The following GXYLT2 variants were observed in gnomAD, a reference collection of about 807,000 sequenced individuals.
GXYLT2 encodes glucoside xylosyltransferase 2.
Under a neutral mutation model 45.8 loss-of-function variants are expected in GXYLT2, and 53 were observed. The ratio of observed to expected loss-of-function variants is 1.16; its 90% CI spans 0.93 to 1.46. The LOEUF (loss-of-function observed/expected upper bound fraction) is 1.46, where lower values mean the gene tolerates loss of function less well. GXYLT2 is among the 40% of genes most tolerant of loss of function. The pLI is 0.00. For synonymous variants in GXYLT2, 219 were observed against 214.2 expected, an observed-to-expected ratio of 1.02 and a Z score of -0.19; for missense variants, 551 against 544.4, an observed-to-expected ratio of 1.01 and a Z score of -0.12.
intron 1 of GXYLT2, among the ~76,000 whole-genome samples, chr3:72,907,194 T>G (rs1709528014): frequency 6.6e-6 from 1 of 152,216 alleles, no homozygotes. Flanking sequence ...GGAATCCAAG[T>G]AACTCTCCGC....
At chr3:72,905,064 C>CAAAAAAA (rs1177216917) in intron 1 of GXYLT2, among the ~76,000 whole-genome samples, 1 of 36,244 alleles carries the variant, frequency 2.8e-5, no homozygotes, top group African/African-American at 7.0e-5. Flanking sequence ...GATTCTGTCT[C>CAAAAAAA]AAAAAAAAAA....
Position 72,922,222 on chromosome 3 carries a change from T to A in GXYLT2, c.487T>A (p.Ser163Thr). ...FDKQLRQWPD[S>T]YTKKFEHRIY... The stretch of plus-strand genomic sequence containing the variant: ...TTTTCAGTTACGCCAGTGGCCTGAC[T>A]CATATACAAAGAAGTTTGAGCACAG... The change falls in exon 3 of 7, where the codon TCA becomes ACA. Residue 163 changes from serine to threonine, a missense_variant. Coordinates refer to ENST00000389617, the MANE Select transcript of GXYLT2 (RefSeq NM_001080393.2). The A allele has an allele frequency of 1.2e-6, 2 of 1,613,626 alleles. No homozygotes were observed. The highest frequency in any genetic ancestry group is 2.2e-5 in the South Asian group (2 of 91,040).
At chr3:72,949,554 C>T (rs1710477117) in intron 3 of GXYLT2, among the ~76,000 whole-genome samples, 1 of 118,510 alleles carries the variant, frequency 8.4e-6, no homozygotes, top group Admixed American at 1.2e-4. Context: ...GCTCCATCAC[C>T]AGGCTGGAGT....
intron 3 of GXYLT2, among the ~76,000 whole-genome samples, 167 bp downstream of exon 3, chr3:72,922,502 G>C (rs1709849093): frequency 6.6e-6 from 1 of 152,176 alleles, no homozygotes; most frequent in East Asian, 1.9e-4. Context: ...CCTGTGTTCT[G>C]GAGGTTGTCA....
At chr3:72,921,021 A>G (rs1709824655) in intron 2 of GXYLT2, among the ~76,000 whole-genome samples, 1 of 151,686 alleles carries the variant, frequency 6.6e-6, no homozygotes, top group South Asian at 2.1e-4. Context: ...GGGTTTCGCC[A>G]TGTTGGCCAG....
chr3:72,927,465 C>T (rs1709940647), intron 3 of GXYLT2, among the ~76,000 whole-genome samples: 1 of 152,086 alleles, frequency 6.6e-6, no homozygotes, highest in African/African-American at 2.4e-5. Context: ...TGCATGCTTA[C>T]CAATGATGTC....
At chr3:72,900,806 ATGTAT>A (rs1709388603) in intron 1 of GXYLT2, among the ~76,000 whole-genome samples, 1 of 143,774 alleles carries the variant, frequency 7.0e-6, no homozygotes, top group South Asian at 2.1e-4. Flanking sequence ...AAGTGCATTA[ATGTAT>A]TTATTTATTT....
chr3:72,947,039 A>G (rs1430987381), intron 3 of GXYLT2, among the ~76,000 whole-genome samples: 8 of 151,860 alleles, frequency 5.3e-5, no homozygotes, highest in Admixed American at 5.3e-4. Flanking sequence ...TATTGAAGAG[A>G]TGAGGCCTTA....
intron 3 of GXYLT2, among the ~76,000 whole-genome samples, chr3:72,944,087 C>CTT (rs72046930): frequency 2.7e-5 from 4 of 149,742 alleles, no homozygotes; most frequent in South Asian, 2.1e-4. Flanking sequence ...ATATTCAAGT[C>CTT]TTTTTGTTTG....
intron 3 of GXYLT2, among the ~76,000 whole-genome samples, chr3:72,943,992 C>G (rs1004123384): frequency 1.3e-5 from 2 of 151,940 alleles, no homozygotes; most frequent in African/African-American, 4.8e-5. Context: ...CTGGGAGCAT[C>G]ATTTCTTTAG....
intron 5 of GXYLT2, among the ~76,000 whole-genome samples, chr3:72,959,271 C>T (rs1452279222): frequency 6.6e-6 from 1 of 151,298 alleles, no homozygotes; most frequent in Non-Finnish European, 1.5e-5. Context: ...GCACCCAACA[C>T]CACACCCAAC....
intron 1 of GXYLT2, among the ~76,000 whole-genome samples, chr3:72,895,782 T>C (rs920354044): frequency 1.3e-5 from 2 of 152,346 alleles, no homozygotes; most frequent in East Asian, 3.9e-4. Context: ...TTTTTTGACA[T>C]GATACCTTCA....
chr3:72,965,510 A>G lies in GXYLT2; in HGVS notation c.977-2037A>G, dbSNP rs911037372. Reference sequence around the variant, plus strand: ...ACATTTGCAGAGAGCTTTGATCCATACTCCTCTGCCCCCAACCCTGAAAAG... The same window carrying G: ...ACATTTGCAGAGAGCTTTGATCCATGCTCCTCTGCCCCCAACCCTGAAAAG... On this transcript the variant is annotated intron_variant, in intron 5 of 6. Coordinates refer to ENST00000389617, the MANE Select transcript of GXYLT2 (RefSeq NM_001080393.2). Among the ~76,000 whole-genome samples the G allele has an allele frequency of 2.6e-5, 4 of 151,860 alleles. No individual in the cohort carries two copies. In the South Asian group the frequency reaches 6.2e-4, roughly 24 times the overall value.
intron 1 of GXYLT2, among the ~76,000 whole-genome samples, chr3:72,889,896 G>GTTTTTTTTTTTTTTTTTTTTTT (rs369830925): frequency 1.5e-5 from 2 of 135,534 alleles, no homozygotes; most frequent in Admixed American, 7.4e-5. Context: ...TTTTCTTTTG[G>GTTTTTTTTTTTTTTTTTTTTTT]TTTTTTTTTT....
chr3:72,898,561 A>G (rs1709339327), intron 1 of GXYLT2, among the ~76,000 whole-genome samples: 1 of 152,122 alleles, frequency 6.6e-6, no homozygotes. Flanking sequence ...AATGTGAATA[A>G]CCTCTGCGAA....
chr3:72,952,940 A>C (rs1677692898), intron 3 of GXYLT2, among the ~76,000 whole-genome samples: 1 of 152,138 alleles, frequency 6.6e-6, no homozygotes, highest in African/African-American at 2.4e-5. Flanking sequence ...GGATACAGGA[A>C]GATTCAAATC....
intron 2 of GXYLT2, among the ~76,000 whole-genome samples, chr3:72,919,400 TA>T (rs1357564274): frequency 1.3e-5 from 2 of 152,196 alleles, no homozygotes; most frequent in Non-Finnish European, 2.9e-5. Context: ...AAAGGCAAGG[TA>T]CTATATGATT....
chr3:72,955,434 A>G, intron 4 of GXYLT2, 85 bp downstream of exon 4: 1 of 1,362,100 alleles, frequency 7.3e-7, no homozygotes, highest in Non-Finnish European at 1.0e-6. Context: ...CAATATGCTG[A>G]TTTTGGAAAT....
chr3:72,913,540 C>G (rs1412946043), intron 2 of GXYLT2, among the ~76,000 whole-genome samples: 1 of 151,632 alleles, frequency 6.6e-6, no homozygotes, highest in South Asian at 2.1e-4. Flanking sequence ...ACTAAAAATA[C>G]AAAAATTAGC....
Sources: gnomAD v4.1 joint callset for allele counts (sites outside exome capture counted in the v4.1 genomes callset) on GRCh38, gnomAD v4.1.1 for gene constraint, MANE v1.5 for transcripts, NCBI Gene and HGNC (gene_info 2026-07-23, HGNC 2026-07-21) for gene names.